The following RYR2 variants were observed in gnomAD, a reference collection of about 807,000 sequenced individuals.
RYR2 encodes cardiac muscle ryanodine receptor-calcium release channel.
In RYR2, 227 loss-of-function variants were observed where a neutral mutation model predicts 601.1. The observed-to-expected ratio is 0.38, with a 90% CI of 0.34 to 0.42. The LOEUF is 0.42. Among genes scored for constraint, RYR2 ranks in the 10% least tolerant of loss-of-function variants. The pLI is 1.00. For synonymous variants in RYR2, 2,223 were observed against 2,175.1 expected, an observed-to-expected ratio of 1.02 and a Z score of -0.61; for missense variants, 4,646 against 6,156.5, an observed-to-expected ratio of 0.75 and a Z score of 8.21.
chr1:237,360,882 T>A (rs1420892853), intron 4 of RYR2, among the ~76,000 whole-genome samples: 2 of 152,228 alleles, frequency 1.3e-5, no homozygotes, highest in Non-Finnish European at 2.9e-5. Flanking sequence ...CCATAGGATT[T>A]ATATAGATAT....
chr1:237,663,799 G>A (rs1441667136), intron 56 of RYR2, among the ~76,000 whole-genome samples: 1 of 152,188 alleles, frequency 6.6e-6, no homozygotes, highest in Non-Finnish European at 1.5e-5. Context: ...GAATACCACA[G>A]GAAGACATGA....
chr1:237,118,242 A>G (rs1183864953), intron 1 of RYR2, among the ~76,000 whole-genome samples: 1 of 152,058 alleles, frequency 6.6e-6, no homozygotes, highest in Non-Finnish European at 1.5e-5. Flanking sequence ...TTTTTCAGGT[A>G]CATCTGAAAC....
rs1678277050 is a variant in RYR2, at chr1:237,614,763, G to A, written c.5635G>A (p.Gly1879Ser). The A allele has an allele frequency of 9.9e-6, 16 of 1,612,716 alleles. No homozygotes were observed. The highest frequency in any genetic ancestry group is 1.4e-5 in the Non-Finnish European group (16 of 1,178,860). Reference sequence around the variant, plus strand: ...GGACGATGCAAAGCTGCAAGGAGCTGGTGAGGAAGAAGCCAAGGGGGGCAA... The same window carrying A: ...GGACGATGCAAAGCTGCAAGGAGCTAGTGAGGAAGAAGCCAAGGGGGGCAA... ...SVDDAKLQGA[G>S]EEEAKGGKRP... Residue 1879 changes from glycine (G) to serine (S), a missense_variant, in exon 37 of 105, where the codon GGT becomes AGT. Gly to Ser is a moderately conservative substitution (Grantham distance 56). Coordinates refer to ENST00000366574, the MANE Select transcript of RYR2 (RefSeq NM_001035.3). This position sits in a 1 kb window ranked among gnomAD's most constrained non-coding sequence, Gnocchi z 4.3.
chr1:237,616,641 C>G (rs746221539), intron 37 of RYR2, among the ~76,000 whole-genome samples: 13 of 152,148 alleles, frequency 8.5e-5, no homozygotes, highest in Admixed American at 2.6e-4. Flanking sequence ...CCAGAAGACC[C>G]TTAGCAAACT....
At chr1:237,436,457 T>TTTTTTTTTTTTTTTTTTTTTTTG in intron 12 of RYR2, among the ~76,000 whole-genome samples, 1 of 78,376 alleles carries the variant, frequency 1.3e-5, no homozygotes. Flanking sequence ...GATTTTCCTT[T>TTTTTTTTTTTTTTTTTTTTTTTG]TTTTTTTTTT....
intron 10 of RYR2, among the ~76,000 whole-genome samples, chr1:237,400,318 C>G (rs914299876): frequency 6.6e-6 from 1 of 152,182 alleles, no homozygotes; most frequent in Non-Finnish European, 1.5e-5. Flanking sequence ...CAGCTCCCGA[C>G]AGCCTTCTCC....
At position 237,718,528 on chromosome 1, in the gene RYR2, C is replaced by A. The variant is rs375143208; in HGVS notation, c.10554+7C>A. ...TATTCATTTACAAGGCAAGGTAAGC[C>A]AAATTTTATTCTTAAGCCACATTTA... On this transcript the variant is annotated splice_region_variant and intron_variant, in intron 73 of 104. Coordinates refer to ENST00000366574, the MANE Select transcript of RYR2 (RefSeq NM_001035.3). 6.4e-6 allele frequency: 10 copies of A among 1,551,590 alleles called. No homozygotes were observed. The highest frequency in any genetic ancestry group is 8.0e-6 in the Non-Finnish European group (9 of 1,124,692).
intron 16 of RYR2, among the ~76,000 whole-genome samples, chr1:237,466,634 A>T: frequency 6.6e-6 from 1 of 151,344 alleles, no homozygotes. Context: ...TTTTATTGCG[A>T]TTTATTTTTT....
intron 1 of RYR2, among the ~76,000 whole-genome samples, chr1:237,269,035 G>A (rs1438659694): frequency 1.7e-5 from 2 of 116,962 alleles, no homozygotes; most frequent in African/African-American, 3.3e-5. Context: ...AATTTATATA[G>A]CATATTCTTT....
chr1:237,601,066 G>A (rs749375862), intron 34 of RYR2, among the ~76,000 whole-genome samples: 2 of 152,148 alleles, frequency 1.3e-5, no homozygotes, highest in Non-Finnish European at 2.9e-5. Context: ...ACTACCATAT[G>A]ATCCAGAATT....
intron 2 of RYR2, among the ~76,000 whole-genome samples, chr1:237,308,653 T>G (rs1457406753): frequency 6.6e-6 from 1 of 152,184 alleles, no homozygotes; most frequent in Non-Finnish European, 1.5e-5. Context: ...CTTGCTGGCC[T>G]CATGAATAAA....
Position 237,724,320 on chromosome 1 carries a change from A to G in RYR2, c.10689+1058A>G, listed in dbSNP as rs113152719. Among the ~76,000 whole-genome samples the G allele has an allele frequency of 7.4e-3, 1,113 of 150,470 alleles. 17 individuals are homozygous for G. Among genetic ancestry groups the G allele is most frequent in the African/African-American group, 0.025 (1,024 of 40,958 alleles). On this transcript the variant is annotated intron_variant, in intron 74 of 104. Coordinates refer to ENST00000366574, the MANE Select transcript of RYR2 (RefSeq NM_001035.3). Reference sequence around the variant, plus strand: ...ACATATTATCATAGCAATAATAAACATTTTGCTTGTATTCCTGTTTTATAT... The same window carrying G: ...ACATATTATCATAGCAATAATAAACGTTTTGCTTGTATTCCTGTTTTATAT...
intron 94 of RYR2, among the ~76,000 whole-genome samples, 166 bp from the exon 95 acceptor site, chr1:237,793,701 A>G (rs969192262): frequency 2.0e-5 from 3 of 152,148 alleles, no homozygotes; most frequent in Non-Finnish European, 4.4e-5. Context: ...AACCTTCTAG[A>G]TGCTTCTTCC....
chr1:237,487,499 T>C (rs1448357006), intron 17 of RYR2, among the ~76,000 whole-genome samples: 8 of 146,112 alleles, frequency 5.5e-5, no homozygotes, highest in Non-Finnish European at 1.2e-4. Context: ...GAGGATTGCT[T>C]GAGCCCAGGA....
At chr1:237,102,365 G>GGC (rs891465308) in intron 1 of RYR2, among the ~76,000 whole-genome samples, 3 of 152,154 alleles carry the variant, frequency 2.0e-5, no homozygotes, top group African/African-American at 7.2e-5. Flanking sequence ...CCTGCATGCA[G>GGC]GCACACACAC....
intron 1 of RYR2, among the ~76,000 whole-genome samples, chr1:237,133,160 G>C (rs1470071373): frequency 6.6e-6 from 1 of 152,180 alleles, no homozygotes; most frequent in Non-Finnish European, 1.5e-5. Context: ...TCTGCACACA[G>C]GACTTCCGAG....
In RYR2 at chr1:237,421,254, G is replaced by GTAA. The variant is rs540154237; in HGVS notation, c.849-1824_849-1822dup. Among the ~76,000 whole-genome samples, 48 of 151,580 alleles carry GTAA rather than the reference G, an allele frequency of 3.2e-4. No homozygotes were observed. The East Asian group carries it at 7.5e-3, about 24-fold the overall frequency. ...ACTCCGTCTCAAAATAAAAATAATA[G>GTAA]TAATAATAATAATAATGATAATTGT... On this transcript the variant is annotated intron_variant, in intron 11 of 104. Coordinates refer to ENST00000366574, the MANE Select transcript of RYR2 (RefSeq NM_001035.3).
intron 62 of RYR2, among the ~76,000 whole-genome samples, chr1:237,680,862 C>G (rs1480941879): frequency 6.6e-6 from 1 of 152,200 alleles, no homozygotes; most frequent in Non-Finnish European, 1.5e-5. Flanking sequence ...ATGCATCACC[C>G]TATTAGTATT....
intron 1 of RYR2, among the ~76,000 whole-genome samples, chr1:237,214,730 C>T (rs1682976396): frequency 6.6e-6 from 1 of 152,154 alleles, no homozygotes. Context: ...TAATGTGTAG[C>T]AAGGGTAGTT....
Sources: gnomAD v4.1 joint callset for allele counts (sites outside exome capture counted in the v4.1 genomes callset) on GRCh38, gnomAD v4.1.1 for gene constraint, Gnocchi (gnomAD v3.1) non-coding constraint, MANE v1.5 for transcripts, NCBI Gene and HGNC (gene_info 2026-07-23, HGNC 2026-07-21) for gene names.